The following IGF2BP3 variants were observed in gnomAD, a reference collection of about 807,000 sequenced individuals.
IGF2BP3 encodes the protein insulin like growth factor 2 mRNA binding protein 3.
In IGF2BP3, 9 loss-of-function variants were observed where a neutral mutation model predicts 73.8. The observed-to-expected ratio is 0.12, with a 90% CI of 0.07 to 0.21. The LOEUF (loss-of-function observed/expected upper bound fraction) is 0.21. IGF2BP3 is among the 10% of genes least tolerant of loss of function. IGF2BP3 has a pLI of 1.00. For synonymous variants in IGF2BP3, 258 were observed against 256.7 expected, an observed-to-expected ratio of 1.01 and a Z score of -0.05; for missense variants, 542 against 714.0, an observed-to-expected ratio of 0.76 and a Z score of 2.75.
At chr7:23,454,352 A>G (rs1416148443) in intron 2 of IGF2BP3, among the ~76,000 whole-genome samples, 2 of 152,214 alleles carry the variant, frequency 1.3e-5, no homozygotes, top group African/African-American at 4.8e-5. Flanking sequence ...TAACTTATTC[A>G]CAGTGCATAA....
chr7:23,414,432 C>T (rs957896381), intron 3 of IGF2BP3: 1 of 152,196 alleles, frequency 6.6e-6, no homozygotes, highest in Non-Finnish European at 1.5e-5. Flanking sequence ...AAACACCAAA[C>T]GTCACAAGCG....
intron 2 of IGF2BP3, among the ~76,000 whole-genome samples, chr7:23,454,635 G>GT (rs956702090): frequency 3.9e-4 from 60 of 152,278 alleles, no homozygotes; most frequent in African/African-American, 1.4e-3. Context: ...AAATCTCAGA[G>GT]TTTAATCAGT....
intron 3 of IGF2BP3, among the ~76,000 whole-genome samples, chr7:23,397,924 T>TAA (rs1051786105): frequency 1.3e-5 from 2 of 152,200 alleles, no homozygotes; most frequent in African/African-American, 4.8e-5. Context: ...GAGCCTTATG[T>TAA]AATCATGGAT....
chr7:23,334,290 T>G (rs1429673515), intron 10 of IGF2BP3, among the ~76,000 whole-genome samples: 1 of 152,068 alleles, frequency 6.6e-6, no homozygotes, highest in African/African-American at 2.4e-5. Flanking sequence ...ATCATGACAC[T>G]GCACTCCAGA....
At chr7:23,364,977 C>A (rs962771685) in intron 3 of IGF2BP3, among the ~76,000 whole-genome samples, 1 of 152,076 alleles carries the variant, frequency 6.6e-6, no homozygotes, top group Non-Finnish European at 1.5e-5. Flanking sequence ...ACCAGCCTGG[C>A]CAACATGGTG....
chr7:23,415,935 C>G (rs1787177408), intron 3 of IGF2BP3, among the ~76,000 whole-genome samples: 5 of 152,176 alleles, frequency 3.3e-5, no homozygotes, highest in Admixed American at 3.3e-4. Flanking sequence ...AAACCTAAGG[C>G]TGAGAGCTGG....
chr7:23,420,993 T>G (rs1396975445), intron 2 of IGF2BP3, among the ~76,000 whole-genome samples: 1 of 152,160 alleles, frequency 6.6e-6, no homozygotes, highest in Non-Finnish European at 1.5e-5. Context: ...TGCTTTTATG[T>G]AAGTTTTATA....
chr7:23,424,357 G>A (rs1318762204), intron 2 of IGF2BP3, among the ~76,000 whole-genome samples: 2 of 151,784 alleles, frequency 1.3e-5, no homozygotes, highest in African/African-American at 2.4e-5. Flanking sequence ...AATTAGCTGG[G>A]CGTAGTGGCA....
At chr7:23,334,777 A>G (rs552367927) in intron 10 of IGF2BP3, among the ~76,000 whole-genome samples, 3 of 152,356 alleles carry the variant, frequency 2.0e-5, no homozygotes, top group South Asian at 2.1e-4. Context: ...AAGTCTGCCA[A>G]TGAGTAATTC....
chr7:23,312,651 A>G, intron 14 of IGF2BP3, 84 bp downstream of exon 14: 2 of 1,045,920 alleles, frequency 1.9e-6, no homozygotes, highest in Non-Finnish European at 2.9e-6. Context: ...AACAACCTTA[A>G]CTAATTCTAT....
At chr7:23,389,009 A>G (rs868152824) in intron 3 of IGF2BP3, among the ~76,000 whole-genome samples, 7 of 152,332 alleles carry the variant, frequency 4.6e-5, no homozygotes, top group African/African-American at 1.7e-4. Context: ...ATGGTTTCAC[A>G]TGTGTATATG....
chr7:23,319,379 A>C, intron 10 of IGF2BP3, 125 bp from the exon 11 acceptor site: 3 of 660,902 alleles, frequency 4.5e-6, no homozygotes, highest in Non-Finnish European at 8.1e-6. Context: ...AGGAAAAGCT[A>C]CCATAAGAAG....
chr7:23,407,177 T>G (rs1458663964), intron 3 of IGF2BP3, among the ~76,000 whole-genome samples: 1 of 148,652 alleles, frequency 6.7e-6, no homozygotes, highest in Non-Finnish European at 1.5e-5. Context: ...GATGATGTAG[T>G]TATTAAAAAA....
At chr7:23,385,612 G>C (rs1169580310) in intron 3 of IGF2BP3, among the ~76,000 whole-genome samples, 3 of 152,084 alleles carry the variant, frequency 2.0e-5, no homozygotes, top group African/African-American at 7.2e-5. Context: ...AATGGGGTAG[G>C]GGGTGGGGGG....
rs146309173 is a variant in IGF2BP3 at position 23,366,635 on chromosome 7, T to C, written c.286-4894A>G. Among the ~76,000 whole-genome samples, 1,254 of 151,512 alleles carry C rather than the reference T, an allele frequency of 8.3e-3. 16 individuals are homozygous for C. The highest frequency in any genetic ancestry group is 0.029 in the African/African-American group (1,191 of 41,332). On this transcript the variant is annotated intron_variant, in intron 3 of 14. Coordinates refer to ENST00000258729, the MANE Select transcript of IGF2BP3 (RefSeq NM_006547.3). ...TAGGTGCAGAATCAATCTTGGTACCTAGCTGTGGAAAAAATTTAACAACAC... is the reference window on the plus strand; with the variant it reads ...TAGGTGCAGAATCAATCTTGGTACCCAGCTGTGGAAAAAATTTAACAACAC...
chr7:23,425,371 TTAGATATA>T lies in IGF2BP3; in HGVS notation c.237-6555_237-6548del, dbSNP rs146256877. Among the ~76,000 whole-genome samples, 851 of 152,296 alleles carry T rather than the reference TTAGATATA, an allele frequency of 5.6e-3. 11 individuals are homozygous for T. Among genetic ancestry groups the T allele is most frequent in the African/African-American group, 0.019 (805 of 41,552 alleles). On this transcript the variant is annotated intron_variant, in intron 2 of 14. Coordinates refer to ENST00000258729, the MANE Select transcript of IGF2BP3 (RefSeq NM_006547.3). ...TTTAATAATTGTTTACTACATAGAA[TTAGATATA>T]TAATAATGTATTTTTTCTAAGAGAT...
At chr7:23,329,318 A>C (rs895725577) in intron 10 of IGF2BP3, among the ~76,000 whole-genome samples, 8 of 152,162 alleles carry the variant, frequency 5.3e-5, no homozygotes, top group African/African-American at 1.2e-4. Context: ...TCCCTACTGC[A>C]TTTTGACAAG....
At chr7:23,415,116 G>T in intron 3 of IGF2BP3, 1 of 215,642 alleles carries the variant, frequency 4.6e-6, no homozygotes, top group South Asian at 4.9e-5. Context: ...TCCGTCAGTC[G>T]GCTTCACTGC....
chr7:23,385,515 A>G (rs1463943358), intron 3 of IGF2BP3, among the ~76,000 whole-genome samples: 1 of 152,146 alleles, frequency 6.6e-6, no homozygotes, highest in African/African-American at 2.4e-5. Context: ...GATTCACAAG[A>G]ATTCAGAAGA....
Sources: gnomAD v4.1 joint callset for allele counts (sites outside exome capture counted in the v4.1 genomes callset) on GRCh38, gnomAD v4.1.1 for gene constraint, MANE v1.5 for transcripts, NCBI Gene and HGNC (gene_info 2026-07-23, HGNC 2026-07-21) for gene names.